Variants in PCDHGA10 observed in about 807,000 individuals in gnomAD.
PCDHGA10 encodes protocadherin gamma subfamily A, 10.
In PCDHGA10, 42 loss-of-function variants were observed where a neutral mutation model predicts 59.5. The ratio of observed to expected loss-of-function variants is 0.71; its 90% CI spans 0.55 to 0.91. The LOEUF (loss-of-function observed/expected upper bound fraction) is 0.91. Among genes scored for constraint, PCDHGA10 ranks in the 40% least tolerant of loss-of-function variants. The pLI is 0.00. For synonymous variants in PCDHGA10, 511 were observed against 517.2 expected, an observed-to-expected ratio of 0.99 and a Z score of 0.16; for missense variants, 1,111 against 1,198.2, an observed-to-expected ratio of 0.93 and a Z score of 1.07.
chr5:141,470,035 G>A lies in PCDHGA10; in HGVS notation c.2437-24772G>A, dbSNP rs761812438. ...TCCCAGCTACTCGGGATGCTGAGGC[G>A]CGAGAACTGTTTGAACCCCGGAGGC... On this transcript the variant is annotated intron_variant, in intron 1 of 3. Transcript: ENST00000398610. Among the ~76,000 whole-genome samples, 97 of 152,224 alleles carry A rather than the reference G, an allele frequency of 6.4e-4. 2 individuals carry two copies. Among genetic ancestry groups the A allele is most frequent in the East Asian group, 1.2e-3 (6 of 5,170 alleles).
At position 141,511,260 on chromosome 5, in the gene PCDHGA10, G is replaced by A; in HGVS notation, c.*87G>A. 6.4e-7 allele frequency: 1 copy of A among 1,558,596 alleles called. No individual in the cohort carries two copies. Among genetic ancestry groups the A allele is most frequent in the Non-Finnish European group, 8.7e-7 (1 of 1,151,758 alleles). On this transcript the variant is annotated 3_prime_UTR_variant, in exon 4 of 4. Transcript: ENST00000398610. ...CCTGCACCCAGGCCTCAGAGTTTCA[G>A]GGCTAACCCCCAGAATACTGGTAGG...
chr5:141,452,848 G>A (rs1425590240), intron 1 of PCDHGA10, among the ~76,000 whole-genome samples: 9 of 152,128 alleles, frequency 5.9e-5, no homozygotes, highest in Non-Finnish European at 1.0e-4. Flanking sequence ...CCCACACTCT[G>A]GGGAGATGAT....
At position 141,415,024 on chromosome 5, in the gene PCDHGA10, G is replaced by T; in HGVS notation, c.1849G>T (p.Glu617Ter). 6.2e-7 allele frequency: 1 copy of T among 1,613,568 alleles called. No homozygotes were observed. The highest frequency in any genetic ancestry group is 8.5e-7 in the Non-Finnish European group (1 of 1,180,000). The change falls in exon 1 of 4, where the codon GAG (glutamate) becomes TAG (stop). Residue 617 changes from glutamate (E) to a stop codon, truncating the protein, a stop_gained. Coordinates refer to ENST00000398610, the MANE Select transcript of PCDHGA10 (RefSeq NM_018913.3). LOFTEE classifies it high-confidence loss of function. ...WLSYRLLKAS[E>*]PGLFAVGEHT... ...GTCCTACCGTCTGCTCAAGGCCAGC[G>T]AGCCGGGACTCTTCGCGGTGGGGGA...
rs777967290 is a variant in PCDHGA10 at position 141,415,029 on chromosome 5, G to T, written c.1854G>T (p.Pro618=). The T allele has an allele frequency of 8.1e-6, 13 of 1,613,554 alleles. No homozygotes were observed. Among genetic ancestry groups the T allele is most frequent in the Non-Finnish European group, 1.0e-5 (12 of 1,179,984 alleles). Residue 618 remains proline, a synonymous_variant, in exon 1 of 4, where the codon CCG becomes CCT. Coordinates refer to ENST00000398610, the MANE Select transcript of PCDHGA10 (RefSeq NM_018913.3). ...LSYRLLKASE[P]GLFAVGEHTG... ...ACCGTCTGCTCAAGGCCAGCGAGCCGGGACTCTTCGCGGTGGGGGAGCACA... is the reference window on the plus strand; with the variant it reads ...ACCGTCTGCTCAAGGCCAGCGAGCCTGGACTCTTCGCGGTGGGGGAGCACA...
chr5:141,480,225 G>A (rs1217912404), intron 1 of PCDHGA10, among the ~76,000 whole-genome samples: 1 of 147,152 alleles, frequency 6.8e-6, no homozygotes, highest in East Asian at 2.0e-4. Flanking sequence ...GCGACATAGT[G>A]AGATCCTGTC....
intron 1 of PCDHGA10, chr5:141,415,883 G>C: frequency 1.0e-6 from 1 of 984,090 alleles, no homozygotes; most frequent in Non-Finnish European, 1.4e-6. Context: ...GTACAATATT[G>C]ACAATTCCTA....
intron 1 of PCDHGA10, among the ~76,000 whole-genome samples, chr5:141,453,574 G>T (rs1285296493): frequency 6.6e-6 from 1 of 152,084 alleles, no homozygotes; most frequent in Non-Finnish European, 1.5e-5. Context: ...TCATTAGTTT[G>T]TGGTTTATCC....
intron 1 of PCDHGA10, among the ~76,000 whole-genome samples, chr5:141,443,210 G>A (rs142248407): frequency 3.2e-4 from 49 of 151,888 alleles, no homozygotes; most frequent in African/African-American, 9.4e-4. Context: ...AGCTTGTCTC[G>A]CCAGGCGCAT....
At chr5:141,421,651 A>C in intron 1 of PCDHGA10, 1 of 1,613,868 alleles carries the variant, frequency 6.2e-7, no homozygotes, top group Non-Finnish European at 8.5e-7. Flanking sequence ...AGTGGAGATA[A>C]AAGTCAGTGA....
Position 141,477,354 on chromosome 5 carries a change from C to T in PCDHGA10, c.2437-17453C>T, listed in dbSNP as rs1164062950. On this transcript the variant is annotated intron_variant, in intron 1 of 3. Coordinates refer to ENST00000398610, the MANE Select transcript of PCDHGA10 (RefSeq NM_018913.3). This position sits in a 1 kb window ranked among gnomAD's most constrained non-coding sequence, Gnocchi z 4.9. ...AATTACTTCACTTTGAAAACCAGTG[C>T]AGACCTGGATCGGGAGACTGTGCCA... 14 of 1,614,202 alleles carry T rather than the reference C, an allele frequency of 8.7e-6. No homozygotes were observed. The highest frequency in any genetic ancestry group is 1.1e-5 in the Non-Finnish European group (13 of 1,180,036).
At chr5:141,423,090 G>T in intron 1 of PCDHGA10, 5 of 1,614,022 alleles carry the variant, frequency 3.1e-6, no homozygotes, top group South Asian at 2.2e-5. Context: ...TCGCGGTGGG[G>T]GAGCACACGG....
At position 141,493,157 on chromosome 5, in the gene PCDHGA10, T is replaced by C. The variant is rs1261889479; in HGVS notation, c.2437-1650T>C. ...TTGAAACACCCCCAGGTGATTTTGATAGCTGATTGAGAGAAACTTACTATA... is the reference window on the plus strand; with the variant it reads ...TTGAAACACCCCCAGGTGATTTTGACAGCTGATTGAGAGAAACTTACTATA... On this transcript the variant is annotated intron_variant, in intron 1 of 3. Coordinates refer to ENST00000398610, the MANE Select transcript of PCDHGA10 (RefSeq NM_018913.3). This position sits in a 1 kb window ranked among gnomAD's most constrained non-coding sequence, Gnocchi z 4.3. 2.0e-5 allele frequency among the ~76,000 whole-genome samples: 3 copies of C among 152,224 alleles called. No individual in the cohort carries two copies. Among genetic ancestry groups the C allele is most frequent in the Admixed American group, 6.5e-5 (1 of 15,286 alleles).
At chr5:141,417,743 A>T in intron 1 of PCDHGA10, 2 of 1,419,054 alleles carry the variant, frequency 1.4e-6, no homozygotes, top group Non-Finnish European at 1.9e-6. Flanking sequence ...AGCACACCAG[A>T]TTGCCAGCTC....
At chr5:141,467,627 G>A (rs2099147481) in intron 1 of PCDHGA10, among the ~76,000 whole-genome samples, 1 of 152,140 alleles carries the variant, frequency 6.6e-6, no homozygotes, top group South Asian at 2.1e-4. Context: ...ATTTGAGATA[G>A]CATCTTTATC....
chr5:141,450,386 A>T (rs1208546397), intron 1 of PCDHGA10, among the ~76,000 whole-genome samples: 2 of 152,192 alleles, frequency 1.3e-5, no homozygotes, highest in Non-Finnish European at 2.9e-5. Flanking sequence ...TGAAACTGAC[A>T]TTTGTAAAGA....
chr5:141,487,590 C>G lies in PCDHGA10; in HGVS notation c.2437-7217C>G. 1 of 1,614,160 alleles carries G rather than the reference C, an allele frequency of 6.2e-7. No homozygotes were observed. Among genetic ancestry groups the G allele is most frequent in the Non-Finnish European group, 8.5e-7 (1 of 1,180,040 alleles). ...GAGCCTGTTCGCCCAAGCTGCCCACCCTCTGATCTTCTCTATGGGCTAGAG... is the reference window on the plus strand; with the variant it reads ...GAGCCTGTTCGCCCAAGCTGCCCACGCTCTGATCTTCTCTATGGGCTAGAG... On this transcript the variant is annotated intron_variant, in intron 1 of 3. Transcript: ENST00000398610. The surrounding 1 kb of genome is among the most constrained non-coding windows in gnomAD (Gnocchi z 5.0).
intron 1 of PCDHGA10, chr5:141,418,683 CAG>C: frequency 6.2e-7 from 1 of 1,614,048 alleles, no homozygotes; most frequent in African/African-American, 1.3e-5. Flanking sequence ...GGCATCAACT[CAG>C]AGATCACTTA....
intron 1 of PCDHGA10, among the ~76,000 whole-genome samples, chr5:141,464,264 AAAAAAAAAAAAAAGC>A (rs974197911): frequency 4.0e-4 from 52 of 130,598 alleles, no homozygotes; most frequent in Non-Finnish European, 6.3e-4. Context: ...GACTCCGTCT[AAAAAAAAAAAAAAGC>A]AAAAAAAAAA....
chr5:141,490,445 A>G lies in PCDHGA10; in HGVS notation c.2437-4362A>G, dbSNP rs2099700298. 6.2e-7 allele frequency: 1 copy of G among 1,614,022 alleles called. No individual in the cohort carries two copies. The highest frequency in any genetic ancestry group is 8.5e-7 in the Non-Finnish European group (1 of 1,180,030). ...CCATTTCAGATTAAGCCTTCTGAGA[A>G]CCACTACTCGCTGCTAACCAGCCAG... On this transcript the variant is annotated intron_variant, in intron 1 of 3. Coordinates refer to ENST00000398610, the MANE Select transcript of PCDHGA10 (RefSeq NM_018913.3). The surrounding 1 kb of genome is among the most constrained non-coding windows in gnomAD (Gnocchi z 5.4).
Sources: allele counts gnomAD v4.1 joint callset (sites outside exome capture counted in the v4.1 genomes callset), GRCh38; gene constraint gnomAD v4.1.1; non-coding constraint Gnocchi (gnomAD v3.1); transcripts MANE v1.5; gene names NCBI Gene and HGNC (gene_info 2026-07-23, HGNC 2026-07-21).